The following ZNF777 variants were observed in gnomAD, a reference collection of about 807,000 sequenced individuals.
The protein encoded by ZNF777 is zinc finger protein 777.
ZNF777 carries 7 observed loss-of-function variants against 72.1 expected under a neutral mutation model. The observed-to-expected ratio is 0.10, with a 90% CI of 0.06 to 0.18. ZNF777 has a LOEUF of 0.18. Among genes scored for constraint, ZNF777 ranks in the 10% least tolerant of loss-of-function variants. ZNF777 has a pLI of 1.00. For missense variants in ZNF777, 828 were observed against 1,128.6 expected (o/e 0.73, Z 3.82); for synonymous variants, 545 against 483.5 (o/e 1.13, Z -1.67).
intron 4 of ZNF777, 38 bp downstream of exon 4, chr7:149,450,961 C>G: frequency 6.4e-7 from 1 of 1,565,268 alleles, no homozygotes. Context: ...ACTGAAAGAT[C>G]TAGAATGCAG....
At chr7:149,446,488 G>A (rs1799605165) in intron 4 of ZNF777, among the ~76,000 whole-genome samples, 1 of 152,116 alleles carries the variant, frequency 6.6e-6, no homozygotes, top group Non-Finnish European at 1.5e-5. Flanking sequence ...TACTGAATAA[G>A]GAGTAATACA....
chr7:149,447,446 G>T (rs958264003), intron 4 of ZNF777, among the ~76,000 whole-genome samples: 61 of 152,216 alleles, frequency 4.0e-4, no homozygotes, highest in African/African-American at 1.4e-3. Flanking sequence ...CTCCAAATCT[G>T]AACCTTACAT....
chr7:149,448,815 A>G (rs1462471977), intron 4 of ZNF777, among the ~76,000 whole-genome samples: 3 of 151,792 alleles, frequency 2.0e-5, no homozygotes, highest in Non-Finnish European at 2.9e-5. Context: ...AAGGCCGTGA[A>G]TGAATGGGAG....
intron 4 of ZNF777, among the ~76,000 whole-genome samples, chr7:149,449,179 T>C (rs1244113786): frequency 3.3e-5 from 5 of 152,116 alleles, no homozygotes; most frequent in African/African-American, 1.2e-4. Context: ...GAGGTGCGAG[T>C]GTGCGGCCCA....
chr7:149,434,615 C>G (rs1338800496), intron 5 of ZNF777, among the ~76,000 whole-genome samples: 1 of 152,180 alleles, frequency 6.6e-6, no homozygotes, highest in Non-Finnish European at 1.5e-5. Flanking sequence ...CTGAGTCTGG[C>G]TCTATCGCTC....
chr7:149,457,400 A>G (rs1293825841), intron 1 of ZNF777, among the ~76,000 whole-genome samples: 1 of 152,112 alleles, frequency 6.6e-6, no homozygotes, highest in East Asian at 1.9e-4. Flanking sequence ...TAAAATTTCA[A>G]TTTTCTTCCG....
Position 149,456,005 on chromosome 7 carries a change from T to G in ZNF777, c.18A>C (p.Ser6=), listed in dbSNP as rs368138179. ...GAACACTGGGGAACGACAGAGGTGA[T>G]GAGCGTTGGTTCTCCATGTCCAGCT... MENQR[S]SPLSFPSVPQ... Residue 6 remains serine, a synonymous_variant, in exon 2 of 6, where the codon TCA becomes TCC. Transcript: ENST00000247930. 11 of 1,591,544 alleles carry G rather than the reference T, an allele frequency of 6.9e-6. 1 individual carries two copies. The Middle Eastern group carries it at 5.1e-4, about 74-fold the overall frequency.
chr7:149,435,366 T>C (rs1160338893), intron 5 of ZNF777, among the ~76,000 whole-genome samples: 1 of 152,116 alleles, frequency 6.6e-6, no homozygotes, highest in Non-Finnish European at 1.5e-5. Context: ...AGATGGGGTC[T>C]TCCTATGTTG....
In ZNF777 at chr7:149,448,795, C is replaced by T. The variant is rs115248774; in HGVS notation, c.1087+2204G>A. ...TGCCTGGCTTCTCTGGCCTCCATGGCCACCCTTTCAAGGCCGTGAATGAAT... is the reference window on the plus strand; with the variant it reads ...TGCCTGGCTTCTCTGGCCTCCATGGTCACCCTTTCAAGGCCGTGAATGAAT... On this transcript the variant is annotated intron_variant, in intron 4 of 5. Coordinates refer to ENST00000247930, the MANE Select transcript of ZNF777 (RefSeq NM_015694.3). 4.0e-3 allele frequency among the ~76,000 whole-genome samples: 601 copies of T among 151,788 alleles called. 3 individuals carry two copies. Among genetic ancestry groups the T allele is most frequent in the African/African-American group, 0.014 (572 of 41,374 alleles).
In ZNF777 at chr7:149,432,144, G is replaced by C. The variant is rs1373793188; in HGVS notation, c.2128C>G (p.Leu710Val). The change falls in exon 6 of 6, where the codon CTG becomes GTG. Residue 710 changes from leucine (L) to valine (V), a missense_variant. Transcript: ENST00000247930. Reference sequence around the variant, plus strand: ...CCTGTGTGAGTCCGCTGGTGGCGCAGCAGGTGCGAGGGGCGGCTGAAGCTC... The same window carrying C: ...CCTGTGTGAGTCCGCTGGTGGCGCACCAGGTGCGAGGGGCGGCTGAAGCTC... ...GKSFSRPSHL[L>V]RHQRTHTGER... is the part of the protein sequence containing the mutation. 6.2e-7 allele frequency: 1 copy of C among 1,604,196 alleles called. No homozygotes were observed. Among genetic ancestry groups the C allele is most frequent in the Non-Finnish European group, 8.5e-7 (1 of 1,179,680 alleles).
At position 149,460,075 on chromosome 7, in the gene ZNF777, C is replaced by G. The variant is rs1799917276; in HGVS notation, c.-16+740G>C. Reference sequence around the variant, plus strand: ...CCGAGCCCGGGACACGCAGGCCGTCCCCGGGGCCCCGAGGCCGCGCGTCCG... The same window carrying G: ...CCGAGCCCGGGACACGCAGGCCGTCGCCGGGGCCCCGAGGCCGCGCGTCCG... On this transcript the variant is annotated intron_variant, in intron 1 of 5. Coordinates refer to ENST00000247930, the MANE Select transcript of ZNF777 (RefSeq NM_015694.3). The surrounding 1 kb of genome is among the most constrained non-coding windows in gnomAD (Gnocchi z 6.1). 5.1e-6 allele frequency: 5 copies of G among 982,516 alleles called. No homozygotes were observed. The highest frequency in any genetic ancestry group is 1.8e-5 in the African/African-American group (1 of 56,888). 60.9% of individuals were successfully genotyped at this position (982,516 alleles called of 1,614,324 possible). A position where few individuals can be genotyped will look rare whatever the true frequency, so the allele number is the denominator to read the frequency against.
At chr7:149,448,940 T>C (rs1271207691) in intron 4 of ZNF777, among the ~76,000 whole-genome samples, 1 of 152,236 alleles carries the variant, frequency 6.6e-6, no homozygotes, top group African/African-American at 2.4e-5. Context: ...AGCCAATTCA[T>C]AAAATTGTCA....
rs369753685 is a variant in ZNF777 at position 149,455,186 on chromosome 7, T to G, written c.837A>C (p.Glu279Asp). Residue 279 changes from glutamate to aspartate, a missense_variant, in exon 2 of 6, where the codon GAA (glutamate) becomes GAC (aspartate). Transcript: ENST00000247930. This position sits in a 1 kb window ranked among gnomAD's most constrained non-coding sequence, Gnocchi z 4.2. ...GTTGGGATGTGCTTACCTTGGGAAC[T>G]TCTCCATTGCTGCCGGGGGGCAGCC... Reference protein sequence around the residue: ...ILRLPPGSNGEVPKVPVTFDD... With the variant: ...ILRLPPGSNGDVPKVPVTFDD... The G allele has an allele frequency of 5.0e-6, 8 of 1,611,612 alleles. No homozygotes were observed. Among genetic ancestry groups the G allele is most frequent in the Non-Finnish European group, 6.8e-6 (8 of 1,178,976 alleles).
At chr7:149,444,982 G>A (rs1171220170) in intron 4 of ZNF777, among the ~76,000 whole-genome samples, 4 of 151,858 alleles carry the variant, frequency 2.6e-5, no homozygotes, top group African/African-American at 9.7e-5. Flanking sequence ...CTCTTTTTCT[G>A]GATATTCCTA....
chr7:149,436,480 A>C lies in ZNF777; in HGVS notation c.1339+95T>G. ...CCTGTTGCCCCATCAGTGTCCAGCTACCTCTCTGAAGGAACCACAGCTTTC... is the reference window on the plus strand; with the variant it reads ...CCTGTTGCCCCATCAGTGTCCAGCTCCCTCTCTGAAGGAACCACAGCTTTC... On this transcript the variant is annotated intron_variant, in intron 5 of 5. Coordinates refer to ENST00000247930, the MANE Select transcript of ZNF777 (RefSeq NM_015694.3). The surrounding 1 kb of genome is among the most constrained non-coding windows in gnomAD (Gnocchi z 5.0). 7.0e-7 allele frequency: 1 copy of C among 1,419,666 alleles called. No homozygotes were observed. Among genetic ancestry groups the C allele is most frequent in the Non-Finnish European group, 9.5e-7 (1 of 1,058,198 alleles). The allele number at this position is 1,419,666 out of a possible 1,614,324, so 87.9% of individuals were successfully genotyped here. A position where few individuals can be genotyped will look rare whatever the true frequency, so the allele number is the denominator to read the frequency against.
Position 149,436,046 on chromosome 7 carries a change from C to CCTTA in ZNF777, c.1339+525_1339+528dup, listed in dbSNP as rs1799405011. On this transcript the variant is annotated intron_variant, in intron 5 of 5. Coordinates refer to ENST00000247930, the MANE Select transcript of ZNF777 (RefSeq NM_015694.3). This position sits in a 1 kb window ranked among gnomAD's most constrained non-coding sequence, Gnocchi z 5.0. ...GATCAGGCCACCGTGAGCCCCAGTG[C>CCTTA]CTTACTGTTCTTGAACTCAGAAGGA... 6.6e-6 allele frequency among the ~76,000 whole-genome samples: 1 copy of CCTTA among 152,176 alleles called. No individual in the cohort carries two copies. The highest frequency in any genetic ancestry group is 1.5e-5 in the Non-Finnish European group (1 of 68,038).
chr7:149,432,275 C>G lies in ZNF777; in HGVS notation c.1997G>C (p.Cys666Ser). Residue 666 changes from cysteine to serine, a missense_variant, in exon 6 of 6, where the codon TGC becomes TCC. By Grantham distance (112) the Cys-to-Ser change is moderately radical. This residue lies in a region of ZNF777 where 26 missense variants were observed against 62.1 expected (regional missense o/e 0.42). Transcript: ENST00000247930. ...ITHTGERPYTCPECKKSFRLH... is the reference protein window; with the variant it reads ...ITHTGERPYTSPECKKSFRLH... ...GCGGAAGCTCTTCTTGCACTCGGGG[C>G]ACGTGTAGGGCCGCTCACCCGTGTG... 1 of 1,610,062 alleles carries G rather than the reference C, an allele frequency of 6.2e-7. No homozygotes were observed. Among genetic ancestry groups the G allele is most frequent in the Non-Finnish European group, 8.5e-7 (1 of 1,179,954 alleles).
rs773702921 is a variant in ZNF777, at chr7:149,432,424, C to T, written c.1848G>A (p.Ala616=). 1.2e-6 allele frequency: 2 copies of T among 1,613,296 alleles called. No homozygotes were observed. The highest frequency in any genetic ancestry group is 1.7e-6 in the Non-Finnish European group (2 of 1,179,926). ...TGGGTGACTTGGGACGCGGCTTGAGCGCGTGCTTGGGGTTGAACGTGGGCC... is the reference window on the plus strand; with the variant it reads ...TGGGTGACTTGGGACGCGGCTTGAGTGCGTGCTTGGGGTTGAACGTGGGCC... ...ERGPTFNPKH[A]LKPRPKSPSS... is the part of the protein sequence containing the mutation. The change falls in exon 6 of 6, where the codon GCG becomes GCA. Residue 616 remains alanine (A), a synonymous_variant. Transcript: ENST00000247930.
At chr7:149,449,146 G>T (rs1297353732) in intron 4 of ZNF777, among the ~76,000 whole-genome samples, 1 of 152,214 alleles carries the variant, frequency 6.6e-6, no homozygotes, top group African/African-American at 2.4e-5. Flanking sequence ...CAATGGCGAG[G>T]CCGGGGCCTT....
Sources: gnomAD v4.1 joint callset for allele counts (sites outside exome capture counted in the v4.1 genomes callset) on GRCh38, gnomAD v4.1.1 for gene constraint, gnomAD v4.1.1 regional missense constraint, Gnocchi (gnomAD v3.1) non-coding constraint, MANE v1.5 for transcripts, NCBI Gene and HGNC (gene_info 2026-07-23, HGNC 2026-07-21) for gene names.